Variants in GBE1 observed in about 807,000 individuals in gnomAD.
GBE1 encodes 1,4-alpha-glucan branching enzyme 1, also known as 1,4-alpha-glucan-branching enzyme.
A neutral mutation model predicts 88.8 loss-of-function variants in GBE1; 70 were observed. The observed-to-expected ratio is 0.79, with a 90% CI of 0.65 to 0.96. The LOEUF (loss-of-function observed/expected upper bound fraction) is 0.96. Ranked by LOEUF, GBE1 falls within the 40% of genes least tolerant of loss-of-function variation. The pLI, the probability that GBE1 is intolerant of heterozygous loss-of-function variation, is 0.00. For missense variants in GBE1, 872 were observed against 871.0 expected (o/e 1.00, Z -0.01); for synonymous variants, 284 against 300.1 (o/e 0.95, Z 0.56).
chr3:81,695,440 G>A (rs925599641), intron 2 of GBE1, among the ~76,000 whole-genome samples: 1 of 152,160 alleles, frequency 6.6e-6, no homozygotes, highest in African/African-American at 2.4e-5. Context: ...CAGAATAGGC[G>A]AAGCCATAGA....
chr3:81,745,534 A>C (rs1706409406), intron 1 of GBE1, among the ~76,000 whole-genome samples: 3 of 151,892 alleles, frequency 2.0e-5, no homozygotes, highest in South Asian at 4.1e-4. Context: ...TTATAACAAT[A>C]ATAATTATTG....
chr3:81,595,762 CTA>C (rs2106959851), intron 7 of GBE1, among the ~76,000 whole-genome samples: 1 of 152,010 alleles, frequency 6.6e-6, no homozygotes, highest in South Asian at 2.1e-4. Flanking sequence ...TTAATCTATT[CTA>C]CTCTTGACCA....
At chr3:81,586,941 A>G (rs1208751075) in intron 9 of GBE1, among the ~76,000 whole-genome samples, 1 of 151,966 alleles carries the variant, frequency 6.6e-6, no homozygotes, top group African/African-American at 2.4e-5. Context: ...GATGTCCACC[A>G]CCATTCTCAG....
chr3:81,577,151 A>G (rs185765131), intron 12 of GBE1, among the ~76,000 whole-genome samples: 127 of 151,736 alleles, frequency 8.4e-4, no homozygotes, highest in Admixed American at 1.8e-3. Context: ...CATATTGTCC[A>G]GGTTGGTCTC....
intron 12 of GBE1, among the ~76,000 whole-genome samples, chr3:81,538,944 A>AT (rs1432539332): frequency 1.3e-5 from 2 of 152,028 alleles, no homozygotes; most frequent in Non-Finnish European, 2.9e-5. Flanking sequence ...GCCCTCTTCC[A>AT]TGGAGACTGT....
rs572148644 is a variant in GBE1 at position 81,718,898 on chromosome 3, G to C, written c.144-13285C>G. ...GATCCGCCCACCTCGACCTCCCAAA[G>C]TGCTGGGATTATAGGAGTTAGCCAC... is the stretch of plus-strand genomic sequence containing the variant. On this transcript the variant is annotated intron_variant, in intron 1 of 15. Transcript: ENST00000429644. Among the ~76,000 whole-genome samples, 5 of 152,070 alleles carry C rather than the reference G, an allele frequency of 3.3e-5. No homozygotes were observed. In the South Asian group the frequency reaches 1.0e-3, roughly 32 times the overall value.
chr3:81,758,440 T>C (rs1243364245), intron 1 of GBE1, among the ~76,000 whole-genome samples: 1 of 152,184 alleles, frequency 6.6e-6, no homozygotes, highest in African/African-American at 2.4e-5. Context: ...TAGTGCATAG[T>C]TCAACATGCT....
At chr3:81,594,801 A>G (rs1703934355) in intron 7 of GBE1, among the ~76,000 whole-genome samples, 1 of 152,016 alleles carries the variant, frequency 6.6e-6, no homozygotes, top group Admixed American at 6.6e-5. Flanking sequence ...TGGACAGTTG[A>G]AATAAAGGCA....
chr3:81,504,217 T>G (rs1276889726), intron 14 of GBE1, among the ~76,000 whole-genome samples: 2 of 151,950 alleles, frequency 1.3e-5, no homozygotes, highest in South Asian at 2.1e-4. Context: ...ACATATCACA[T>G]TCCAAGCATA....
intron 3 of GBE1, among the ~76,000 whole-genome samples, chr3:81,660,312 C>A (rs1028717552): frequency 6.6e-6 from 1 of 152,160 alleles, no homozygotes; most frequent in African/African-American, 2.4e-5. Context: ...GGATTCTACA[C>A]AATGAAGCTT....
At chr3:81,549,259 A>G (rs1703244590) in intron 12 of GBE1, among the ~76,000 whole-genome samples, 1 of 151,116 alleles carries the variant, frequency 6.6e-6, no homozygotes, top group Non-Finnish European at 1.5e-5. Context: ...CGAACTCCTG[A>G]CCTTGTGATT....
At chr3:81,571,085 A>T (rs574697392) in intron 12 of GBE1, among the ~76,000 whole-genome samples, 2 of 152,198 alleles carry the variant, frequency 1.3e-5, no homozygotes, top group African/African-American at 4.8e-5. Flanking sequence ...AAATGGAGGG[A>T]AAAAGGAGGT....
chr3:81,714,862 C>T (rs1413482126), intron 1 of GBE1, among the ~76,000 whole-genome samples: 1 of 152,122 alleles, frequency 6.6e-6, no homozygotes, highest in African/African-American at 2.4e-5. Flanking sequence ...TGTATCCTGA[C>T]ATGGTAGACA....
intron 7 of GBE1, among the ~76,000 whole-genome samples, chr3:81,614,371 G>C (rs76669630): frequency 6.6e-6 from 1 of 152,178 alleles, no homozygotes; most frequent in Non-Finnish European, 1.5e-5. Context: ...AATTGGCATT[G>C]ATGTTCTAAG....
chr3:81,574,003 C>T (rs886239581), intron 12 of GBE1, among the ~76,000 whole-genome samples: 5 of 152,108 alleles, frequency 3.3e-5, no homozygotes, highest in Non-Finnish European at 7.4e-5. Context: ...AAAGCTAAGG[C>T]TGTTTCAGCA....
chr3:81,623,725 C>A (rs959556009), intron 7 of GBE1, among the ~76,000 whole-genome samples: 1 of 152,204 alleles, frequency 6.6e-6, no homozygotes, highest in Non-Finnish European at 1.5e-5. Flanking sequence ...CTCACTGAAA[C>A]CTCCTGGCCT....
chr3:81,515,312 T>C (rs1702783592), intron 14 of GBE1, among the ~76,000 whole-genome samples: 1 of 151,506 alleles, frequency 6.6e-6, no homozygotes. Context: ...GATTGTCTAT[T>C]CATAATTATA....
chr3:81,503,716 C>G (rs1314168165), intron 14 of GBE1, among the ~76,000 whole-genome samples: 1 of 152,124 alleles, frequency 6.6e-6, no homozygotes, highest in African/African-American at 2.4e-5. Context: ...GCGCGTAAGT[C>G]AAATGTAGAT....
At position 81,591,181 on chromosome 3, in the gene GBE1, C is replaced by A; in HGVS notation, c.1109-17G>T. On this transcript the variant is annotated splice_polypyrimidine_tract_variant and intron_variant, in intron 8 of 15. Coordinates refer to ENST00000429644, the MANE Select transcript of GBE1 (RefSeq NM_000158.4). Reference sequence around the variant, plus strand: ...AACCTTGACCTTAGAAAAAGAAAATCAATACGGATATATTATGTTAACAAG... The same window carrying A: ...AACCTTGACCTTAGAAAAAGAAAATAAATACGGATATATTATGTTAACAAG... 4 of 1,576,980 alleles carry A rather than the reference C, an allele frequency of 2.5e-6. No individual in the cohort carries two copies. The South Asian group carries it at 3.5e-5, about 14-fold the overall frequency.
Sources: allele counts gnomAD v4.1 joint callset (sites outside exome capture counted in the v4.1 genomes callset), GRCh38; gene constraint gnomAD v4.1.1; transcripts MANE v1.5; gene names NCBI Gene and HGNC (gene_info 2026-07-23, HGNC 2026-07-21).